UBOX5: variants seen among roughly 807,000 people sequenced by gnomAD.
UBOX5 encodes RING finger protein 37.
A neutral mutation model predicts 39.0 loss-of-function variants in UBOX5; 28 were observed. The ratio of observed to expected loss-of-function variants is 0.72; its 90% CI spans 0.53 to 0.98. The LOEUF is 0.98. UBOX5 is among the 50% of genes least tolerant of loss of function. UBOX5 has a pLI of 0.00. For missense variants in UBOX5, 585 were observed against 674.4 expected, an observed-to-expected ratio of 0.87 and a Z score of 1.47; for synonymous variants, 283 against 275.5, an observed-to-expected ratio of 1.03 and a Z score of -0.27.
chr20:3,129,079 T>C (rs879623522), intron 1 of UBOX5, among the ~76,000 whole-genome samples: 1 of 152,186 alleles, frequency 6.6e-6, no homozygotes, highest in Admixed American at 6.6e-5. Flanking sequence ...ATGAGGCTTC[T>C]CCACCCGCGT....
intron 1 of UBOX5, among the ~76,000 whole-genome samples, chr20:3,138,731 A>C (rs893359034): frequency 3.3e-5 from 5 of 152,194 alleles, no homozygotes; most frequent in African/African-American, 1.2e-4. Context: ...AGCTTGAAGC[A>C]ACCAACAAAC....
intron 1 of UBOX5, among the ~76,000 whole-genome samples, chr20:3,134,918 G>A (rs898185049): frequency 4.6e-5 from 7 of 152,012 alleles, no homozygotes; most frequent in Non-Finnish European, 7.4e-5. Flanking sequence ...GCATTCTGCG[G>A]ATGACACAGT....
At chr20:3,123,508 T>C (rs2066353784) in intron 1 of UBOX5, 102 bp from the exon 2 acceptor site, 2 of 752,132 alleles carry the variant, frequency 2.7e-6, no homozygotes, top group Admixed American at 4.6e-5. Context: ...CAACAAAAAC[T>C]TGAACACACA....
intron 1 of UBOX5, among the ~76,000 whole-genome samples, chr20:3,131,680 A>C (rs1053202051): frequency 6.6e-6 from 1 of 152,226 alleles, no homozygotes; most frequent in Non-Finnish European, 1.5e-5. Flanking sequence ...TTCAAAACCT[A>C]TATATTCAAA....
Position 3,149,016 on chromosome 20 carries a change from G to C in UBOX5, c.-42+10750C>G, listed in dbSNP as rs1292225122. The C allele has an allele frequency of 1.2e-6, 2 of 1,613,964 alleles. No individual in the cohort carries two copies. Among genetic ancestry groups the C allele is most frequent in the Non-Finnish European group, 1.7e-6 (2 of 1,179,942 alleles). On this transcript the variant is annotated intron_variant, in intron 1 of 4. Coordinates refer to ENST00000217173, the MANE Select transcript of UBOX5 (RefSeq NM_014948.4). This position sits in a 1 kb window ranked among gnomAD's most constrained non-coding sequence, Gnocchi z 4.1. ...CTTCGGACTGCACCAAAGGCAGAAG[G>C]ACTGCAAAATGCTCGGTATCTTACA...
intron 1 of UBOX5, chr20:3,148,382 G>T: frequency 6.2e-7 from 1 of 1,614,132 alleles, no homozygotes. Context: ...GCAACACTTG[G>T]TCTCATACAC....
chr20:3,146,568 CAT>C (rs2066565094), intron 1 of UBOX5: 1 of 567,756 alleles, frequency 1.8e-6, no homozygotes, highest in Non-Finnish European at 3.1e-6. Flanking sequence ...CTAAGAGTAA[CAT>C]GTATACATTT....
rs551795371 is a variant in UBOX5, at chr20:3,122,683, T to C, written c.55-99A>G. ...GCCTGAGGTTCCTCGTTTTAAAATT[T>C]CCTCTATTAAACTGAATTGTCCCAG... On this transcript the variant is annotated intron_variant, in intron 2 of 4. Coordinates refer to ENST00000217173, the MANE Select transcript of UBOX5 (RefSeq NM_014948.4). 2.5e-5 allele frequency: 36 copies of C among 1,428,758 alleles called. No individual in the cohort carries two copies. The South Asian group carries it at 4.8e-4, about 19-fold the overall frequency. 88.5% of individuals were successfully genotyped at this position (1,428,758 alleles called of 1,614,324 possible). A position where few individuals can be genotyped will look rare whatever the true frequency, so the allele number is the denominator to read the frequency against.
chr20:3,138,415 T>C (rs1020337156), intron 1 of UBOX5, among the ~76,000 whole-genome samples: 3 of 152,150 alleles, frequency 2.0e-5, no homozygotes, highest in African/African-American at 7.2e-5. Flanking sequence ...ACTAGGCTGG[T>C]GGGATAAGTT....
chr20:3,136,950 C>CAACCAGA (rs1227161453), intron 1 of UBOX5, among the ~76,000 whole-genome samples: 1 of 150,996 alleles, frequency 6.6e-6, no homozygotes, highest in African/African-American at 2.4e-5. Context: ...CTACTGCACC[C>CAACCAGA]AGTCCCTGTT....
At chr20:3,142,978 T>G (rs1219868770) in intron 1 of UBOX5, among the ~76,000 whole-genome samples, 1 of 151,200 alleles carries the variant, frequency 6.6e-6, no homozygotes, top group Non-Finnish European at 1.5e-5. Flanking sequence ...GATATAAAAC[T>G]GTATTCACAG....
chr20:3,134,006 C>G (rs1486117624), intron 1 of UBOX5, among the ~76,000 whole-genome samples: 5 of 152,146 alleles, frequency 3.3e-5, no homozygotes, highest in African/African-American at 1.2e-4. Context: ...ATCCACCCAC[C>G]TTGGCCTCCC....
rs770218352 is a variant in UBOX5 at position 3,148,948 on chromosome 20, C to A, written c.-42+10818G>T. 13 of 1,614,090 alleles carry A rather than the reference C, an allele frequency of 8.1e-6. No individual in the cohort carries two copies. Among genetic ancestry groups the A allele is most frequent in the Non-Finnish European group, 1.1e-5 (13 of 1,180,048 alleles). ...AGAGGCTAATGTGTTCTGGAGGGTC[C>A]TGTCCCCCATGCTGTGTGCTGCTCA... On this transcript the variant is annotated intron_variant, in intron 1 of 4. Coordinates refer to ENST00000217173, the MANE Select transcript of UBOX5 (RefSeq NM_014948.4).
chr20:3,155,807 T>C (rs1339560907), intron 1 of UBOX5, among the ~76,000 whole-genome samples: 2 of 152,142 alleles, frequency 1.3e-5, no homozygotes, highest in African/African-American at 2.4e-5. Context: ...GATAACAAAA[T>C]AAGGAATCTT....
intron 1 of UBOX5, chr20:3,147,024 C>T: frequency 6.2e-7 from 1 of 1,614,198 alleles, no homozygotes; most frequent in Non-Finnish European, 8.5e-7. Context: ...GGGCACAGGC[C>T]AGCCATCTCC....
In UBOX5 at chr20:3,110,929, G is replaced by A. The variant is rs142525055; in HGVS notation, c.1418-615C>T. Among the ~76,000 whole-genome samples the A allele has an allele frequency of 5.8e-3, 876 of 151,998 alleles. 11 individuals are homozygous for A. Among genetic ancestry groups the A allele is most frequent in the African/African-American group, 0.02 (829 of 41,464 alleles). On this transcript the variant is annotated intron_variant, in intron 4 of 4. Transcript: ENST00000217173. ...AAGGGAGGTCAGCAGAGACAAGGCT[G>A]AGGCCTGCAGTGCACCTGCCACTGG... is the stretch of plus-strand genomic sequence containing the variant.
intron 1 of UBOX5, among the ~76,000 whole-genome samples, chr20:3,150,021 A>T (rs886787397): frequency 1.3e-5 from 2 of 151,090 alleles, no homozygotes; most frequent in African/African-American, 4.8e-5. Flanking sequence ...TCCATCTCAA[A>T]AAAAAAAAAA....
At position 3,138,470 on chromosome 20, in the gene UBOX5, G is replaced by T. The variant is rs755397339; in HGVS notation, c.-41-15064C>A. Reference sequence around the variant, plus strand: ...GTATTGAAAGTTGATGTATGCCTGAGGTCTCAGGATAACAGCGGAGAAGAC... The same window carrying T: ...GTATTGAAAGTTGATGTATGCCTGATGTCTCAGGATAACAGCGGAGAAGAC... On this transcript the variant is annotated intron_variant, in intron 1 of 4. Coordinates refer to ENST00000217173, the MANE Select transcript of UBOX5 (RefSeq NM_014948.4). Among the ~76,000 whole-genome samples the T allele has an allele frequency of 2.6e-5, 4 of 152,038 alleles. No individual in the cohort carries two copies. In the South Asian group the frequency reaches 8.3e-4, roughly 32 times the overall value.
intron 1 of UBOX5, among the ~76,000 whole-genome samples, chr20:3,133,400 T>C (rs935688957): frequency 3.3e-5 from 5 of 152,334 alleles, no homozygotes; most frequent in Middle Eastern, 3.4e-3. Flanking sequence ...TTACAAAGCA[T>C]AGCCACTTTC....
Sources: allele counts gnomAD v4.1 joint callset (sites outside exome capture counted in the v4.1 genomes callset), GRCh38; gene constraint gnomAD v4.1.1; non-coding constraint Gnocchi (gnomAD v3.1); transcripts MANE v1.5; gene names NCBI Gene and HGNC (gene_info 2026-07-23, HGNC 2026-07-21).